Variants in PCDHGA7 observed in about 807,000 individuals in gnomAD.
The protein encoded by PCDHGA7 is protocadherin gamma subfamily A, 7.
In PCDHGA7, 44 loss-of-function variants were observed where a neutral mutation model predicts 58.3. The observed-to-expected ratio is 0.75, with a 90% CI of 0.59 to 0.97. PCDHGA7 has a LOEUF of 0.97. Among genes scored for constraint, PCDHGA7 ranks in the 50% least tolerant of loss-of-function variants. PCDHGA7 has a pLI of 0.00. For missense variants in PCDHGA7, 1,266 were observed against 1,188.7 expected, an observed-to-expected ratio of 1.06 and a Z score of -0.96; for synonymous variants, 516 against 504.2, an observed-to-expected ratio of 1.02 and a Z score of -0.31.
chr5:141,444,152 A>AT (rs747671382), intron 1 of PCDHGA7, among the ~76,000 whole-genome samples: 1,130 of 33,890 alleles, frequency 0.033, 460 homozygotes, highest in Non-Finnish European at 0.038. Flanking sequence ...TGTGTACTGG[A>AT]TTTTTTTTTT....
Position 141,383,607 on chromosome 5 carries a change from T to C in PCDHGA7, c.708T>C (p.Asn236=). ...AHIQVTVVDV[N]DHTPVFSLPQ... ...TCCAGGTGACAGTGGTGGATGTGAA[T>C]GACCACACGCCTGTCTTCTCTCTGC... is the stretch of plus-strand genomic sequence containing the variant. Residue 236 remains asparagine (N), a synonymous_variant, in exon 1 of 4, where the codon AAT becomes AAC. Coordinates refer to ENST00000518325, the MANE Select transcript of PCDHGA7 (RefSeq NM_018920.4). 6.2e-7 allele frequency: 1 copy of C among 1,613,780 alleles called. No homozygotes were observed. Among genetic ancestry groups the C allele is most frequent in the South Asian group, 1.1e-5 (1 of 91,076 alleles).
At chr5:141,473,169 C>T (rs141382764) in intron 1 of PCDHGA7, among the ~76,000 whole-genome samples, 2 of 152,286 alleles carry the variant, frequency 1.3e-5, no homozygotes, top group East Asian at 3.9e-4. Context: ...GGAAGGCCCA[C>T]TGGTAACTTG....
intron 1 of PCDHGA7, among the ~76,000 whole-genome samples, chr5:141,450,424 CTTTAA>C (rs2098679800): frequency 1.3e-5 from 2 of 152,146 alleles, no homozygotes; most frequent in East Asian, 3.9e-4. Context: ...TGTATAATGC[CTTTAA>C]TTTATATTTG....
chr5:141,394,826 C>G, intron 1 of PCDHGA7: 1 of 1,613,882 alleles, frequency 6.2e-7, no homozygotes, highest in Non-Finnish European at 8.5e-7. Context: ...TCCCCGAAGT[C>G]CTGACCGAGT....
intron 1 of PCDHGA7, chr5:141,399,663 G>A: frequency 6.2e-7 from 1 of 1,613,624 alleles, no homozygotes; most frequent in Non-Finnish European, 8.5e-7. Flanking sequence ...TGGTGTTCGC[G>A]CAGCGCGCCT....
At chr5:141,472,453 T>C (rs2099281194) in intron 1 of PCDHGA7, among the ~76,000 whole-genome samples, 1 of 151,726 alleles carries the variant, frequency 6.6e-6, no homozygotes, top group African/African-American at 2.4e-5. Flanking sequence ...GGCAGGAGAA[T>C]CGCTTGAACC....
chr5:141,478,213 C>A (rs2099439229), intron 1 of PCDHGA7: 1 of 1,614,000 alleles, frequency 6.2e-7, no homozygotes, highest in Non-Finnish European at 8.5e-7. Context: ...TTTCTCTAAT[C>A]CTGGTTTCTG....
rs781026604 is a variant in PCDHGA7, at chr5:141,490,471, C to A, written c.2425-4336C>A. The A allele has an allele frequency of 6.2e-7, 1 of 1,614,214 alleles. No individual in the cohort carries two copies. The highest frequency in any genetic ancestry group is 1.1e-5 in the South Asian group (1 of 91,088). On this transcript the variant is annotated intron_variant, in intron 1 of 3. Transcript: ENST00000518325. This position sits in a 1 kb window ranked among gnomAD's most constrained non-coding sequence, Gnocchi z 5.4. ...CCACTACTCGCTGCTAACCAGCCAGCCTTTGGACCGGGAGGCCACATCCCA... is the reference window on the plus strand; with the variant it reads ...CCACTACTCGCTGCTAACCAGCCAGACTTTGGACCGGGAGGCCACATCCCA...
chr5:141,399,750 C>A, intron 1 of PCDHGA7: 1 of 1,613,330 alleles, frequency 6.2e-7, no homozygotes, highest in Non-Finnish European at 8.5e-7. Flanking sequence ...TCAGCGCAAA[C>A]GTGAGCCTGC....
At chr5:141,458,513 G>GT (rs537551567) in intron 1 of PCDHGA7, among the ~76,000 whole-genome samples, 9,886 of 146,106 alleles carry the variant, frequency 0.068, 671 homozygotes, top group African/African-American at 0.18. Flanking sequence ...TTGACACTTT[G>GT]TTTTTTTTTT....
rs115982940 is a variant in PCDHGA7, at chr5:141,457,996, G to A, written c.2425-36811G>A. On this transcript the variant is annotated intron_variant, in intron 1 of 3. Transcript: ENST00000518325. ...AACACACCCTTTCAGTTAAAGCCTTGGCAAAATAACCGGTTTTTCCAATTG... is the reference window on the plus strand; with the variant it reads ...AACACACCCTTTCAGTTAAAGCCTTAGCAAAATAACCGGTTTTTCCAATTG... Among the ~76,000 whole-genome samples the A allele has an allele frequency of 2.4e-3, 372 of 152,212 alleles. 2 individuals carry two copies. Among genetic ancestry groups the A allele is most frequent in the African/African-American group, 8.4e-3 (347 of 41,522 alleles).
At position 141,477,167 on chromosome 5, in the gene PCDHGA7, G is replaced by A; in HGVS notation, c.2425-17640G>A. On this transcript the variant is annotated intron_variant, in intron 1 of 3. Coordinates refer to ENST00000518325, the MANE Select transcript of PCDHGA7 (RefSeq NM_018920.4). This position sits in a 1 kb window ranked among gnomAD's most constrained non-coding sequence, Gnocchi z 4.9. ...TGTGGATGTGAATGACAACGCCCCGGAGATCACAGTCACCTCCGTGTACAG... is the reference window on the plus strand; with the variant it reads ...TGTGGATGTGAATGACAACGCCCCGAAGATCACAGTCACCTCCGTGTACAG... 6.2e-7 allele frequency: 1 copy of A among 1,614,166 alleles called. No homozygotes were observed. Among genetic ancestry groups the A allele is most frequent in the South Asian group, 1.1e-5 (1 of 91,076 alleles).
chr5:141,384,410 A>T lies in PCDHGA7; in HGVS notation c.1511A>T (p.Tyr504Phe). ...DTIQGAPVSS[Y>F]VSINSDTGVL... is the part of the protein sequence containing the mutation. Reference sequence around the variant, plus strand: ...ATCCAGGGGGCTCCAGTGTCCTCCTATGTCTCCATAAACTCTGACACTGGA... The same window carrying T: ...ATCCAGGGGGCTCCAGTGTCCTCCTTTGTCTCCATAAACTCTGACACTGGA... Residue 504 changes from tyrosine to phenylalanine, a missense_variant, in exon 1 of 4, where the codon TAT becomes TTT. Physicochemically the swap from Tyr to Phe is conservative, Grantham distance 22 (BLOSUM62 3). Transcript: ENST00000518325. 3 of 1,613,844 alleles carry T rather than the reference A, an allele frequency of 1.9e-6. No individual in the cohort carries two copies. The highest frequency in any genetic ancestry group is 2.5e-6 in the Non-Finnish European group (3 of 1,179,830).
At chr5:141,398,425 C>G (rs2093656331) in intron 1 of PCDHGA7, 2 of 1,519,432 alleles carry the variant, frequency 1.3e-6, no homozygotes, top group East Asian at 2.3e-5. Flanking sequence ...CGGGAAGAAG[C>G]CAGCTTGTGC....
rs762612048 is a variant in PCDHGA7 at position 141,388,612 on chromosome 5, G to A, written c.2424+3289G>A. The A allele has an allele frequency of 2.5e-5, 40 of 1,613,954 alleles. No homozygotes were observed. The East Asian group carries it at 5.3e-4, about 22-fold the overall frequency. ...GCCAATGATAATGCTCCAGTGTTCAGTCAAGACGTATACAGGGTGAGCCTT... is the reference window on the plus strand; with the variant it reads ...GCCAATGATAATGCTCCAGTGTTCAATCAAGACGTATACAGGGTGAGCCTT... On this transcript the variant is annotated intron_variant, in intron 1 of 3. Coordinates refer to ENST00000518325, the MANE Select transcript of PCDHGA7 (RefSeq NM_018920.4).
At chr5:141,506,103 C>T (rs1001709380) in intron 3 of PCDHGA7, among the ~76,000 whole-genome samples, 2 of 152,144 alleles carry the variant, frequency 1.3e-5, no homozygotes, top group Admixed American at 1.3e-4. Context: ...GTGGTTGTCC[C>T]TGAAGAGTCA....
intron 1 of PCDHGA7, among the ~76,000 whole-genome samples, chr5:141,467,789 G>A (rs1264350552): frequency 6.6e-6 from 1 of 152,066 alleles, no homozygotes; most frequent in Non-Finnish European, 1.5e-5. Context: ...CTCTCAAGTA[G>A]CTGGGACTAC....
At chr5:141,420,722 A>G (rs1428516588) in intron 1 of PCDHGA7, among the ~76,000 whole-genome samples, 1 of 152,226 alleles carries the variant, frequency 6.6e-6, no homozygotes, top group African/African-American at 2.4e-5. Context: ...CGTTCCTTTC[A>G]GTCGGTTAAA....
chr5:141,403,207 CACCGCGGGTAGGATAG>C, intron 1 of PCDHGA7: 1 of 1,613,966 alleles, frequency 6.2e-7, no homozygotes, highest in South Asian at 1.1e-5. Context: ...GCACCTTGGT[CACCGCGGGTAGGATAG>C]ACCGGGAGGA....
Sources: gnomAD v4.1 joint callset for allele counts (sites outside exome capture counted in the v4.1 genomes callset) on GRCh38, gnomAD v4.1.1 for gene constraint, Gnocchi (gnomAD v3.1) non-coding constraint, MANE v1.5 for transcripts, NCBI Gene and HGNC (gene_info 2026-07-23, HGNC 2026-07-21) for gene names.